Variants in THEMIS observed in about 807,000 individuals in gnomAD.
THEMIS encodes the protein thymocyte selection associated.
Under a neutral mutation model 52.6 loss-of-function variants are expected in THEMIS, and 37 were observed. The observed-to-expected ratio is 0.70, with a 90% CI of 0.54 to 0.93. The LOEUF (loss-of-function observed/expected upper bound fraction) is 0.93. THEMIS is among the 40% of genes least tolerant of loss of function. The pLI is 0.00. For missense variants in THEMIS, 808 were observed against 763.1 expected, an observed-to-expected ratio of 1.06 and a Z score of -0.69; for synonymous variants, 292 against 272.7, an observed-to-expected ratio of 1.07 and a Z score of -0.70.
chr6:127,738,253 T>C (rs1190241915), intron 4 of THEMIS, among the ~76,000 whole-genome samples: 1 of 152,164 alleles, frequency 6.6e-6, no homozygotes, highest in East Asian at 1.9e-4. Flanking sequence ...CAAAATTCAC[T>C]GTGATCCACA....
intron 1 of THEMIS, among the ~76,000 whole-genome samples, chr6:127,868,089 T>C (rs1004827233): frequency 4.6e-5 from 7 of 152,172 alleles, no homozygotes; most frequent in Admixed American, 2.6e-4. Context: ...AAAATAAAGA[T>C]AGTGCCTCAA....
chr6:127,750,474 G>A (rs535409248), intron 4 of THEMIS, among the ~76,000 whole-genome samples: 4 of 151,764 alleles, frequency 2.6e-5, no homozygotes, highest in African/African-American at 4.8e-5. Flanking sequence ...TATAGGCACA[G>A]TTTAATCCAT....
chr6:127,742,259 G>A (rs1238102958), intron 4 of THEMIS, among the ~76,000 whole-genome samples: 2 of 149,698 alleles, frequency 1.3e-5, no homozygotes, highest in African/African-American at 4.9e-5. Context: ...AGGTTGCAGT[G>A]AGCGGAGATC....
At chr6:127,856,657 T>C (rs1305167491) in intron 1 of THEMIS, among the ~76,000 whole-genome samples, 1 of 151,950 alleles carries the variant, frequency 6.6e-6, no homozygotes, top group Non-Finnish European at 1.5e-5. Flanking sequence ...TTAAGGATAG[T>C]CTATCCATTC....
upstream of THEMIS, among the ~76,000 whole-genome samples, chr6:127,903,688 C>A (rs1287984060): frequency 1.3e-5 from 2 of 150,834 alleles, no homozygotes; most frequent in Non-Finnish European, 3.0e-5. Context: ...TATTTGACAA[C>A]TAACTTATGA....
At chr6:127,759,946 C>A (rs1775965509) in intron 4 of THEMIS, among the ~76,000 whole-genome samples, 3 of 150,208 alleles carry the variant, frequency 2.0e-5, no homozygotes. Flanking sequence ...CCAAAGGGAT[C>A]ATTCTGAAAT....
intron 4 of THEMIS, among the ~76,000 whole-genome samples, chr6:127,755,337 C>T (rs1775786135): frequency 6.6e-6 from 1 of 152,132 alleles, no homozygotes; most frequent in Admixed American, 6.5e-5. Flanking sequence ...CCTAAAGAAG[C>T]TTTGGATTTC....
intron 1 of THEMIS, among the ~76,000 whole-genome samples, chr6:127,911,381 A>G (rs1455555777): frequency 6.6e-6 from 1 of 150,592 alleles, no homozygotes; most frequent in African/African-American, 2.5e-5. Flanking sequence ...TTTAATCATG[A>G]GTTTATTTAT....
intron 1 of THEMIS, among the ~76,000 whole-genome samples, chr6:127,873,825 G>GA (rs1780231635): frequency 6.6e-6 from 1 of 152,146 alleles, no homozygotes; most frequent in Non-Finnish European, 1.5e-5. Context: ...CTAGCGAAAA[G>GA]AAAATGTCAC....
chr6:127,783,391 G>T (rs775845395), intron 4 of THEMIS, among the ~76,000 whole-genome samples: 26 of 152,134 alleles, frequency 1.7e-4, no homozygotes, highest in Admixed American at 3.3e-4. Flanking sequence ...TGACAAATGG[G>T]ATCTAATTAA....
At chr6:127,762,589 A>G (rs752003004) in intron 4 of THEMIS, among the ~76,000 whole-genome samples, 1 of 152,038 alleles carries the variant, frequency 6.6e-6, no homozygotes, top group Non-Finnish European at 1.5e-5. Context: ...AGGTCTTTGC[A>G]TTGTCAGTCC....
intron 4 of THEMIS, among the ~76,000 whole-genome samples, chr6:127,749,957 T>A (rs760744532): frequency 4.0e-5 from 6 of 149,100 alleles, no homozygotes; most frequent in Non-Finnish European, 6.0e-5. Context: ...TCTCAGGAAT[T>A]AATAAAAAGT....
chr6:127,783,120 CA>C (rs1776804727), intron 4 of THEMIS, among the ~76,000 whole-genome samples: 1 of 152,160 alleles, frequency 6.6e-6, no homozygotes, highest in South Asian at 2.1e-4. Flanking sequence ...ACAAACCTGA[CA>C]AAAATAAGCA....
intron 3 of THEMIS, among the ~76,000 whole-genome samples, chr6:127,815,417 A>T (rs1778093416): frequency 6.6e-6 from 1 of 152,154 alleles, no homozygotes; most frequent in Non-Finnish European, 1.5e-5. Context: ...TTAACTGTTT[A>T]TGCAGCATCA....
At chr6:127,861,152 C>A (rs1483549937) in intron 1 of THEMIS, among the ~76,000 whole-genome samples, 1 of 152,028 alleles carries the variant, frequency 6.6e-6, no homozygotes, top group Non-Finnish European at 1.5e-5. Context: ...CATGTATAAA[C>A]AATATTGCTT....
intron 1 of THEMIS, among the ~76,000 whole-genome samples, chr6:127,907,337 A>ATT (rs58472332): frequency 0.061 from 2,991 of 49,316 alleles, 809 homozygotes; most frequent in Middle Eastern, 0.089. Flanking sequence ...TTAGGCTCGG[A>ATT]TTTTTTTTTT....
At chr6:127,886,066 T>A (rs1184016117) in intron 1 of THEMIS, among the ~76,000 whole-genome samples, 1 of 152,062 alleles carries the variant, frequency 6.6e-6, no homozygotes, top group Non-Finnish European at 1.5e-5. Flanking sequence ...TCCAGGCTCA[T>A]TGGTTTCTCA....
chr6:127,736,212 T>G (rs891213768), intron 4 of THEMIS, among the ~76,000 whole-genome samples: 4 of 152,174 alleles, frequency 2.6e-5, no homozygotes, highest in Non-Finnish European at 5.9e-5. Flanking sequence ...ATGTTTAAAA[T>G]TGTATATTTA....
intron 1 of THEMIS, among the ~76,000 whole-genome samples, chr6:127,861,298 A>C (rs1414737147): frequency 1.3e-5 from 2 of 152,128 alleles, no homozygotes; most frequent in Non-Finnish European, 2.9e-5. Flanking sequence ...AAAACCATAA[A>C]CTTGTTCTCT....
Sources: gnomAD v4.1 joint callset for allele counts (sites outside exome capture counted in the v4.1 genomes callset) on GRCh38, gnomAD v4.1.1 for gene constraint, MANE v1.5 for transcripts, NCBI Gene and HGNC (gene_info 2026-07-23, HGNC 2026-07-21) for gene names.